OTOGL: variants seen among roughly 807,000 people sequenced by gnomAD.
The protein encoded by OTOGL is otogelin like, also known as otogelin-like protein.
OTOGL carries 285 observed loss-of-function variants against 318.5 expected under a neutral mutation model. The ratio of observed to expected loss-of-function variants is 0.89; its 90% CI spans 0.81 to 0.99. The LOEUF (loss-of-function observed/expected upper bound fraction) is 0.99. OTOGL is among the 50% of genes least tolerant of loss of function. OTOGL has a pLI of 0.00. For synonymous variants in OTOGL, 987 were observed against 936.5 expected, an observed-to-expected ratio of 1.05 and a Z score of -0.99; for missense variants, 2,899 against 2,845.6, an observed-to-expected ratio of 1.02 and a Z score of -0.43.
intron 17 of OTOGL, among the ~76,000 whole-genome samples, 172 bp downstream of exon 17, chr12:80,256,632 T>A (rs370740744): frequency 3.9e-5 from 6 of 152,246 alleles, no homozygotes; most frequent in Admixed American, 6.5e-5. Context: ...ATGATGATTA[T>A]GTTTATGGGA....
intron 1 of OTOGL, among the ~76,000 whole-genome samples, chr12:80,161,414 GAGT>G (rs1292792643): frequency 1.3e-5 from 2 of 151,928 alleles, no homozygotes; most frequent in African/African-American, 4.8e-5. Flanking sequence ...CATAAATTTT[GAGT>G]AGAAGAGTAA....
At chr12:80,278,530 A>C (rs1420405489) in intron 25 of OTOGL, among the ~76,000 whole-genome samples, 1 of 151,556 alleles carries the variant, frequency 6.6e-6, no homozygotes, top group African/African-American at 2.4e-5. Context: ...AAAATATCTC[A>C]TGTTTATAAG....
intron 9 of OTOGL, among the ~76,000 whole-genome samples, chr12:80,237,163 C>A (rs1327919312): frequency 6.6e-6 from 1 of 152,026 alleles, no homozygotes; most frequent in Non-Finnish European, 1.5e-5. Context: ...TCACAAATTC[C>A]CCTATATGTA....
chr12:80,253,135 A>G (rs959784451), intron 13 of OTOGL, among the ~76,000 whole-genome samples: 1 of 152,144 alleles, frequency 6.6e-6, no homozygotes, highest in East Asian at 1.9e-4. Context: ...ATGAACAGAA[A>G]CTAAACTAAA....
chr12:80,190,131 A>G (rs758003774), intron 1 of OTOGL, among the ~76,000 whole-genome samples: 4 of 152,230 alleles, frequency 2.6e-5, no homozygotes, highest in Non-Finnish European at 4.4e-5. Context: ...GATGGCATTA[A>G]TAGCAAATTG....
intron 8 of OTOGL, among the ~76,000 whole-genome samples, chr12:80,230,003 T>C (rs1032070823): frequency 6.6e-6 from 1 of 151,998 alleles, no homozygotes; most frequent in Non-Finnish European, 1.5e-5. Context: ...TTTTTTTTTT[T>C]TTATGTTTTA....
intron 1 of OTOGL, among the ~76,000 whole-genome samples, chr12:80,186,450 G>T (rs1221936241): frequency 1.3e-5 from 2 of 151,792 alleles, no homozygotes; most frequent in African/African-American, 4.8e-5. Flanking sequence ...CTGCTCTTTG[G>T]TCTCCCTGTT....
chr12:80,357,555 A>G (rs1889985023), intron 49 of OTOGL, among the ~76,000 whole-genome samples: 1 of 152,200 alleles, frequency 6.6e-6, no homozygotes, highest in Admixed American at 6.6e-5. Flanking sequence ...CTTTAGCACA[A>G]CCTGTTATTG....
At chr12:80,351,614 A>G (rs1889556430) in intron 44 of OTOGL, among the ~76,000 whole-genome samples, 1 of 152,160 alleles carries the variant, frequency 6.6e-6, no homozygotes, top group Non-Finnish European at 1.5e-5. Context: ...GAAGAAAAAT[A>G]GATGGACTAT....
intron 44 of OTOGL, among the ~76,000 whole-genome samples, chr12:80,345,307 C>T (rs908239347): frequency 1.8e-4 from 26 of 146,648 alleles, no homozygotes; most frequent in African/African-American, 5.9e-4. Context: ...ATGATCTCGG[C>T]TCACTGAAGC....
intron 1 of OTOGL, among the ~76,000 whole-genome samples, chr12:80,149,718 A>G (rs554132368): frequency 6.6e-6 from 1 of 152,310 alleles, no homozygotes; most frequent in East Asian, 1.9e-4. Context: ...GCAATCATCG[A>G]GACTCCATGG....
chr12:80,167,895 T>C (rs1218413685), intron 1 of OTOGL, among the ~76,000 whole-genome samples: 2 of 152,114 alleles, frequency 1.3e-5, no homozygotes. Context: ...TTATCTCTCA[T>C]AATCCTTTAC....
chr12:80,331,052 A>G (rs1309437465), intron 37 of OTOGL, among the ~76,000 whole-genome samples: 1 of 152,360 alleles, frequency 6.6e-6, no homozygotes, highest in East Asian at 1.9e-4. Context: ...ATTTATAGAC[A>G]CAATACAATC....
intron 38 of OTOGL, among the ~76,000 whole-genome samples, chr12:80,333,667 A>G (rs1454917824): frequency 6.6e-6 from 1 of 152,180 alleles, no homozygotes; most frequent in African/African-American, 2.4e-5. Context: ...GAGATAGCCA[A>G]TAAGCAAAAT....
rs1263598803 is a variant in OTOGL at position 80,336,529 on chromosome 12, C to T, written c.4717C>T (p.His1573Tyr). 4 of 1,608,520 alleles carry T rather than the reference C, an allele frequency of 2.5e-6. No individual in the cohort carries two copies. Among genetic ancestry groups the T allele is most frequent in the African/African-American group, 2.7e-5 (2 of 74,674 alleles). Residue 1573 changes from histidine (H) to tyrosine (Y), a missense_variant, in exon 40 of 59, where the codon CAT (histidine) becomes TAT (tyrosine). Around this residue, in one of 3 missense-constraint regions of OTOGL, gnomAD observed 2,607 missense variants for 2,524.9 expected, o/e 1.03. Coordinates refer to ENST00000547103, the MANE Select transcript of OTOGL (RefSeq NM_001378609.3). ...VRIPGEIIVAHIEKCSMNQNG... is the reference protein window; with the variant it reads ...VRIPGEIIVAYIEKCSMNQNG... ...AATTCCTGGTGAAATTATAGTTGCT[C>T]ATATCGAAAAATGTTCCATGAATCA...
rs374112948 is a variant in OTOGL, at chr12:80,219,871, A to G, written c.293A>G (p.Asp98Gly). ...GAFCSKTGTC[D>G]CQIFQALGTR... Reference sequence around the variant, plus strand: ...TTCTGTTCTAAGACTGGAACATGTGACTGTCAAATATTTCAGGCTCTTGGG... The same window carrying G: ...TTCTGTTCTAAGACTGGAACATGTGGCTGTCAAATATTTCAGGCTCTTGGG... Residue 98 changes from aspartate (D) to glycine (G), a missense_variant, in exon 6 of 59, where the codon GAC becomes GGC. Asp to Gly is a moderately conservative substitution (Grantham distance 94). Transcript: ENST00000547103. The G allele has an allele frequency of 1.2e-4, 197 of 1,592,822 alleles. 1 individual carries two copies. The highest frequency in any genetic ancestry group is 3.3e-4 in the Admixed American group (20 of 59,792).
intron 17 of OTOGL, 139 bp downstream of exon 17, chr12:80,256,599 C>G: frequency 1.6e-6 from 2 of 1,279,280 alleles, no homozygotes; most frequent in Non-Finnish European, 2.1e-6. Flanking sequence ...TATGTGTCAT[C>G]AGGCCATCAG....
chr12:80,301,334 T>C (rs1186777745), intron 27 of OTOGL, among the ~76,000 whole-genome samples: 2 of 152,204 alleles, frequency 1.3e-5, no homozygotes, highest in African/African-American at 4.8e-5. Flanking sequence ...GTTCCATCTC[T>C]CATTTCTCTC....
chr12:80,356,832 T>C lies in OTOGL; in HGVS notation c.5937T>C (p.Ser1979=), dbSNP rs1889935293. Residue 1979 remains serine, a synonymous_variant, in exon 49 of 59, where the codon AGT becomes AGC. Transcript: ENST00000547103. ...KCECDPLKCP[S]ISTPECREDQ... ...AATGTGACCCATTGAAATGCCCCAG[T>C]ATTTCAACACCAGAATGCAGAGAAG... 1 of 1,594,878 alleles carries C rather than the reference T, an allele frequency of 6.3e-7. No individual in the cohort carries two copies. Among genetic ancestry groups the C allele is most frequent in the Non-Finnish European group, 8.5e-7 (1 of 1,171,226 alleles).
Sources: allele counts gnomAD v4.1 joint callset (sites outside exome capture counted in the v4.1 genomes callset), GRCh38; gene constraint gnomAD v4.1.1; regional missense constraint gnomAD v4.1.1; transcripts MANE v1.5; gene names NCBI Gene and HGNC (gene_info 2026-07-23, HGNC 2026-07-21).